The following CADM2 variants were observed in gnomAD, a reference collection of about 807,000 sequenced individuals.
CADM2 encodes the protein immunoglobulin superfamily member 4D.
CADM2 carries 12 observed loss-of-function variants against 49.8 expected under a neutral mutation model. The ratio of observed to expected loss-of-function variants is 0.24; its 90% CI spans 0.15 to 0.39. The LOEUF (loss-of-function observed/expected upper bound fraction) is 0.39. CADM2 is among the 10% of genes least tolerant of loss of function. CADM2 has a pLI of 1.00. For missense variants in CADM2, 378 were observed against 492.3 expected, an observed-to-expected ratio of 0.77 and a Z score of 2.20; for synonymous variants, 214 against 175.4, an observed-to-expected ratio of 1.22 and a Z score of -1.74.
chr3:85,398,363 C>G (rs1576481100), intron 1 of CADM2, among the ~76,000 whole-genome samples: 1 of 152,062 alleles, frequency 6.6e-6, no homozygotes, highest in Non-Finnish European at 1.5e-5. Flanking sequence ...GCATAGTTTT[C>G]CATGGTGTAT....
At position 85,456,833 on chromosome 3, in the gene CADM2, C is replaced by CT. The variant is rs35918238; in HGVS notation, c.62-269676dup. Among the ~76,000 whole-genome samples, 328 of 132,320 alleles carry CT rather than the reference C, an allele frequency of 2.5e-3. 1 individual carries two copies. The highest frequency in any genetic ancestry group is 0.016 in the Middle Eastern group (4 of 256). The allele number at this position is 132,320 out of a possible 152,430, so 86.8% of individuals were successfully genotyped here. On this transcript the variant is annotated intron_variant, in intron 1 of 9. Coordinates refer to ENST00000383699, the MANE Select transcript of CADM2 (RefSeq NM_001167675.2). The stretch of plus-strand genomic sequence containing the variant: ...AGTAAAAACAACTATGTGTTTTTTT[C>CT]TTTTTTTTTTTTTCGAAATACTCCC...
chr3:85,023,007 C>A (rs1157930221), intron 1 of CADM2, among the ~76,000 whole-genome samples: 1 of 151,920 alleles, frequency 6.6e-6, no homozygotes, highest in Non-Finnish European at 1.5e-5. Context: ...ATAAAATGAG[C>A]ATTTTAGTCT....
chr3:85,460,571 T>C (rs2038199108), intron 1 of CADM2, among the ~76,000 whole-genome samples: 1 of 152,180 alleles, frequency 6.6e-6, no homozygotes, highest in South Asian at 2.1e-4. Flanking sequence ...GTGAGATGCC[T>C]TTAAAGTCTC....
chr3:85,988,386 C>T (rs914779105), intron 8 of CADM2, among the ~76,000 whole-genome samples: 3 of 152,036 alleles, frequency 2.0e-5, no homozygotes, highest in East Asian at 3.9e-4. Context: ...TTCTGAATAC[C>T]TTCTGAAATA....
intron 1 of CADM2, among the ~76,000 whole-genome samples, chr3:85,365,502 A>G (rs2032708065): frequency 6.6e-6 from 1 of 152,016 alleles, no homozygotes; most frequent in African/African-American, 2.4e-5. Flanking sequence ...CTTGGTTGAC[A>G]GAGAGATTAC....
At chr3:85,937,367 G>T (rs1391613249) in intron 7 of CADM2, among the ~76,000 whole-genome samples, 1 of 151,756 alleles carries the variant, frequency 6.6e-6, no homozygotes. Flanking sequence ...ACCTTTCTCA[G>T]AAGGATCCTG....
intron 1 of CADM2, among the ~76,000 whole-genome samples, chr3:85,474,665 G>A (rs1165080471): frequency 2.0e-5 from 3 of 151,792 alleles, no homozygotes; most frequent in Non-Finnish European, 1.5e-5. Context: ...ATTATCTAGT[G>A]CCAGAATAAA....
intron 3 of CADM2, among the ~76,000 whole-genome samples, chr3:85,866,086 C>T (rs2075710599): frequency 6.6e-6 from 1 of 151,974 alleles, no homozygotes; most frequent in African/African-American, 2.4e-5. Flanking sequence ...TGCAGTGAGC[C>T]CACATGGCGC....
intron 1 of CADM2, among the ~76,000 whole-genome samples, chr3:85,574,678 T>C (rs780093768): frequency 3.9e-5 from 6 of 152,178 alleles, no homozygotes; most frequent in Non-Finnish European, 8.8e-5. Context: ...CTCTGTAAAA[T>C]GTACAATAGA....
intron 1 of CADM2, among the ~76,000 whole-genome samples, chr3:85,670,551 C>A (rs545172000): frequency 6.6e-6 from 1 of 152,204 alleles, no homozygotes; most frequent in South Asian, 2.1e-4. Context: ...TCCTTCATAA[C>A]TCAGCTTAGA....
chr3:85,378,230 G>GTT (rs1452455824), intron 1 of CADM2, among the ~76,000 whole-genome samples: 3 of 151,988 alleles, frequency 2.0e-5, no homozygotes, highest in Non-Finnish European at 2.9e-5. Context: ...ACTTGGACCA[G>GTT]GTCTCTGTCT....
intron 1 of CADM2, among the ~76,000 whole-genome samples, chr3:85,524,806 C>T (rs1172977468): frequency 2.6e-5 from 4 of 152,140 alleles, no homozygotes; most frequent in African/African-American, 9.7e-5. Context: ...TGAGCTTACA[C>T]TCAATACACA....
chr3:85,434,248 T>A (rs1333249058), intron 1 of CADM2, among the ~76,000 whole-genome samples: 1 of 152,026 alleles, frequency 6.6e-6, no homozygotes, highest in Non-Finnish European at 1.5e-5. Flanking sequence ...CTAAAATCAA[T>A]GTGTAACTTA....
intron 1 of CADM2, among the ~76,000 whole-genome samples, chr3:85,324,698 CT>C (rs2044701596): frequency 6.6e-6 from 1 of 152,166 alleles, no homozygotes; most frequent in Non-Finnish European, 1.5e-5. Flanking sequence ...GAAATGGGAG[CT>C]TTGTAAACTC....
chr3:85,929,777 A>G (rs1046390844), intron 6 of CADM2, among the ~76,000 whole-genome samples: 13 of 152,042 alleles, frequency 8.6e-5, no homozygotes, highest in Admixed American at 1.3e-4. Flanking sequence ...CTAACAAAGT[A>G]TAGTAGTTCT....
At chr3:85,042,169 T>G (rs1245807753) in intron 1 of CADM2, among the ~76,000 whole-genome samples, 2 of 152,128 alleles carry the variant, frequency 1.3e-5, no homozygotes, top group African/African-American at 4.8e-5. Flanking sequence ...CTCAGGGGTG[T>G]GTTGCTTACA....
At chr3:85,086,786 G>A (rs2037396499) in intron 1 of CADM2, among the ~76,000 whole-genome samples, 1 of 152,052 alleles carries the variant, frequency 6.6e-6, no homozygotes, top group Non-Finnish European at 1.5e-5. Flanking sequence ...TGGGATTACA[G>A]GTGTGAGCCA....
At chr3:85,647,056 C>A (rs1033779572) in intron 1 of CADM2, among the ~76,000 whole-genome samples, 1 of 151,666 alleles carries the variant, frequency 6.6e-6, no homozygotes, top group Admixed American at 6.6e-5. Flanking sequence ...GGCATTTTAA[C>A]AATTTAAGCT....
intron 1 of CADM2, among the ~76,000 whole-genome samples, chr3:85,404,483 A>T (rs1177823713): frequency 2.0e-5 from 3 of 152,150 alleles, no homozygotes; most frequent in Admixed American, 6.6e-5. Context: ...TTCATAGCCT[A>T]TGGTGGAAAA....
Sources: allele counts gnomAD v4.1 joint callset (sites outside exome capture counted in the v4.1 genomes callset), GRCh38; gene constraint gnomAD v4.1.1; transcripts MANE v1.5; gene names NCBI Gene and HGNC (gene_info 2026-07-23, HGNC 2026-07-21).